Variants in CNTNAP5 observed in about 807,000 individuals in gnomAD.
CNTNAP5 encodes contactin associated protein family member 5.
A neutral mutation model predicts 150.2 loss-of-function variants in CNTNAP5; 72 were observed. That is an observed-to-expected ratio of 0.48 (90% confidence interval 0.40 to 0.58). CNTNAP5 has a LOEUF of 0.58. CNTNAP5 is among the 20% of genes least tolerant of loss of function. The pLI is 0.00. For synonymous variants in CNTNAP5, 672 were observed against 619.8 expected (o/e 1.08, Z -1.25); for missense variants, 1,636 against 1,626.2 (o/e 1.01, Z -0.10).
chr2:124,071,283 A>G (rs533411886), intron 1 of CNTNAP5, among the ~76,000 whole-genome samples: 1 of 152,046 alleles, frequency 6.6e-6, no homozygotes, highest in South Asian at 2.1e-4. Context: ...CAACCTAACA[A>G]TGCATGTTAG....
chr2:124,724,876 T>C (rs1235136835), intron 13 of CNTNAP5, among the ~76,000 whole-genome samples: 1 of 150,458 alleles, frequency 6.6e-6, no homozygotes, highest in East Asian at 2.0e-4. Context: ...GGTACATTAA[T>C]CCCTCAGCTT....
chr2:124,177,205 A>G (rs530770495), intron 1 of CNTNAP5, among the ~76,000 whole-genome samples: 23 of 152,176 alleles, frequency 1.5e-4, no homozygotes, highest in African/African-American at 5.5e-4. Flanking sequence ...AGTTAGAGTA[A>G]TATTTTTAGG....
chr2:124,450,413 T>C (rs746581573), intron 6 of CNTNAP5, among the ~76,000 whole-genome samples: 1 of 151,888 alleles, frequency 6.6e-6, no homozygotes. Context: ...CATCTTAGAC[T>C]ACCTTAGGGG....
intron 1 of CNTNAP5, among the ~76,000 whole-genome samples, chr2:124,206,845 G>C (rs1468003723): frequency 6.6e-6 from 1 of 152,168 alleles, no homozygotes; most frequent in Admixed American, 6.5e-5. Flanking sequence ...GAATTACAGG[G>C]AGATGACCAA....
At chr2:124,549,414 A>G (rs1397085310) in intron 10 of CNTNAP5, among the ~76,000 whole-genome samples, 1 of 152,198 alleles carries the variant, frequency 6.6e-6, no homozygotes, top group Admixed American at 6.5e-5. Context: ...TTTTTATTCC[A>G]TCAAATAAAA....
intron 9 of CNTNAP5, among the ~76,000 whole-genome samples, chr2:124,527,065 C>A (rs538550167): frequency 6.6e-6 from 1 of 152,094 alleles, no homozygotes; most frequent in Non-Finnish European, 1.5e-5. Flanking sequence ...ATTCCCTTTG[C>A]CACGCTTTTT....
At chr2:124,364,010 G>A (rs1363436579) in intron 3 of CNTNAP5, among the ~76,000 whole-genome samples, 2 of 152,120 alleles carry the variant, frequency 1.3e-5, no homozygotes, top group African/African-American at 4.8e-5. Flanking sequence ...GAAGCCAGAG[G>A]CATGCTTTTA....
intron 13 of CNTNAP5, among the ~76,000 whole-genome samples, chr2:124,747,005 CAG>C (rs1573589671): frequency 6.7e-6 from 1 of 150,006 alleles, no homozygotes; most frequent in African/African-American, 2.5e-5. Flanking sequence ...GAAAGAGAGA[CAG>C]AGATGGAAAA....
chr2:124,611,668 T>C (rs1251857911), intron 12 of CNTNAP5, among the ~76,000 whole-genome samples: 2 of 152,206 alleles, frequency 1.3e-5, no homozygotes, highest in Non-Finnish European at 2.9e-5. Context: ...AAATGCACTT[T>C]TACTGAGCTT....
chr2:124,400,007 C>G (rs916461863), intron 3 of CNTNAP5, among the ~76,000 whole-genome samples: 4 of 151,984 alleles, frequency 2.6e-5, no homozygotes, highest in African/African-American at 9.7e-5. Context: ...CCTTTGTTTT[C>G]CATCCAAAGC....
At chr2:124,499,041 C>T (rs1312827897) in intron 7 of CNTNAP5, among the ~76,000 whole-genome samples, 1 of 152,158 alleles carries the variant, frequency 6.6e-6, no homozygotes, top group African/African-American at 2.4e-5. Context: ...AAACAATAAG[C>T]CAGGAGCAAT....
intron 3 of CNTNAP5, among the ~76,000 whole-genome samples, chr2:124,413,376 A>G (rs1039944277): frequency 6.7e-6 from 1 of 148,906 alleles, no homozygotes; most frequent in Non-Finnish European, 1.5e-5. Context: ...CCATCCCATT[A>G]CTGGGTATAT....
At chr2:124,859,871 G>A (rs1442283170) in intron 19 of CNTNAP5, among the ~76,000 whole-genome samples, 1 of 152,072 alleles carries the variant, frequency 6.6e-6, no homozygotes, top group African/African-American at 2.4e-5. Flanking sequence ...AGAACACTTG[G>A]ACACAGGAAG....
At chr2:124,493,509 T>C (rs549004841) in intron 7 of CNTNAP5, among the ~76,000 whole-genome samples, 8 of 151,928 alleles carry the variant, frequency 5.3e-5, no homozygotes, top group South Asian at 2.1e-4. Flanking sequence ...TCTGGCTAAT[T>C]TTTTATATTT....
chr2:124,527,516 T>C (rs1390859117), intron 10 of CNTNAP5, 60 bp downstream of exon 10: 11 of 1,386,896 alleles, frequency 7.9e-6, no homozygotes, highest in Admixed American at 7.0e-5. Flanking sequence ...CTGTTCTAAA[T>C]ATGAGTTTCT....
intron 3 of CNTNAP5, among the ~76,000 whole-genome samples, chr2:124,299,816 C>T (rs1013541317): frequency 6.6e-6 from 1 of 152,192 alleles, no homozygotes; most frequent in African/African-American, 2.4e-5. Flanking sequence ...ATCCTTCCTT[C>T]ATCTAAAGCT....
At chr2:124,095,507 T>TA (rs1044955344) in intron 1 of CNTNAP5, among the ~76,000 whole-genome samples, 22 of 151,160 alleles carry the variant, frequency 1.5e-4, no homozygotes, top group South Asian at 1.0e-3. Flanking sequence ...AACTTAAAGT[T>TA]AAAAAAAAAG....
chr2:124,346,860 C>T (rs1023770862), intron 3 of CNTNAP5, among the ~76,000 whole-genome samples: 1 of 133,020 alleles, frequency 7.5e-6, no homozygotes, highest in African/African-American at 2.9e-5. Context: ...CACCTGAGGT[C>T]AAGAGTTCGA....
At chr2:124,482,028 T>G (rs1693771634) in intron 7 of CNTNAP5, among the ~76,000 whole-genome samples, 1 of 152,214 alleles carries the variant, frequency 6.6e-6, no homozygotes, top group African/African-American at 2.4e-5. Context: ...ATTTCAATCT[T>G]CAAGTGCTTT....
Sources: allele counts gnomAD v4.1 joint callset (sites outside exome capture counted in the v4.1 genomes callset), GRCh38; gene constraint gnomAD v4.1.1; transcripts MANE v1.5; gene names NCBI Gene and HGNC (gene_info 2026-07-23, HGNC 2026-07-21).